NNMT: variants seen among roughly 807,000 people sequenced by gnomAD.
NNMT encodes the protein nicotinamide N-methyltransferase.
In NNMT, 10 loss-of-function variants were observed where a neutral mutation model predicts 11.7. The observed-to-expected ratio is 0.85, with a 90% CI of 0.53 to 1.45. The LOEUF (loss-of-function observed/expected upper bound fraction) is 1.45, where lower values mean the gene tolerates loss of function less well. Among genes scored for constraint, NNMT ranks in the 40% most tolerant of loss-of-function variants. The pLI is 0.00. For synonymous variants in NNMT, 143 were observed against 133.8 expected, an observed-to-expected ratio of 1.07 and a Z score of -0.48; for missense variants, 381 against 319.4, an observed-to-expected ratio of 1.19 and a Z score of -1.47.
At chr11:114,275,378 CAG>C (rs1291358700) in intron 2 of NNMT, among the ~76,000 whole-genome samples, 1 of 152,206 alleles carries the variant, frequency 6.6e-6, no homozygotes, top group Non-Finnish European at 1.5e-5. Context: ...TGGTTCCAGG[CAG>C]ACTTTCCATT....
chr11:114,285,692 C>T (rs527590390), intron 2 of NNMT, among the ~76,000 whole-genome samples: 1 of 152,278 alleles, frequency 6.6e-6, no homozygotes, highest in South Asian at 2.1e-4. Context: ...TCTTTCCTGG[C>T]GACTCACGCC....
rs11569688 is a variant in NNMT at position 114,312,721 on chromosome 11, G to A, written c.*244G>A. On this transcript the variant is annotated 3_prime_UTR_variant, in exon 3 of 3. Transcript: ENST00000299964. ...TAGTATTCCAGTCTTCATTGCCTGT[G>A]CTTACAAAAGAAGACCTCACTTCCC... 0.14 allele frequency: 66,349 copies of A among 484,684 alleles called. 5,233 individuals carry two copies. Among genetic ancestry groups the A allele is most frequent in the Non-Finnish European group, 0.17 (45,671 of 273,496 alleles). The allele number at this position is 484,684 out of a possible 1,614,324, so 30.0% of individuals were successfully genotyped here. A position where few individuals can be genotyped will look rare whatever the true frequency, so the allele number is the denominator to read the frequency against.
At chr11:114,282,690 G>A (rs1945270742) in intron 2 of NNMT, among the ~76,000 whole-genome samples, 1 of 152,090 alleles carries the variant, frequency 6.6e-6, no homozygotes, top group Non-Finnish European at 1.5e-5. Flanking sequence ...TCTCCTCCGA[G>A]AGCTCTCTCC....
At chr11:114,297,839 G>A (rs1314246418) in intron 1 of NNMT, 112 bp from the exon 2 acceptor site, 1 of 878,360 alleles carries the variant, frequency 1.1e-6, no homozygotes, top group Non-Finnish European at 1.9e-6. Flanking sequence ...GAACAGTAGT[G>A]GTCTGTCTTT....
At chr11:114,273,894 T>G (rs1003108959) in intron 2 of NNMT, among the ~76,000 whole-genome samples, 3 of 152,134 alleles carry the variant, frequency 2.0e-5, no homozygotes, top group African/African-American at 7.2e-5. Context: ...CATACAGCAC[T>G]TCAGTGAAGA....
upstream of NNMT, among the ~76,000 whole-genome samples, chr11:114,293,627 G>A (rs1257316690): frequency 1.3e-4 from 20 of 150,832 alleles, no homozygotes; most frequent in Admixed American, 1.3e-3. Context: ...TTATCCAAAA[G>A]GCAGACAATA....
chr11:114,289,488 T>G (rs780774163), intron 2 of NNMT, among the ~76,000 whole-genome samples: 10 of 152,176 alleles, frequency 6.6e-5, no homozygotes, highest in Non-Finnish European at 1.3e-4. Flanking sequence ...TATGCATATT[T>G]GAGGACTAGA....
intron 2 of NNMT, among the ~76,000 whole-genome samples, chr11:114,279,622 C>T (rs1403828947): frequency 1.3e-5 from 2 of 152,306 alleles, no homozygotes; most frequent in Non-Finnish European, 2.9e-5. Flanking sequence ...TCATTTGGCT[C>T]ATTTGGCTCA....
chr11:114,301,077 G>T (rs568083880), intron 2 of NNMT, among the ~76,000 whole-genome samples: 262 of 152,322 alleles, frequency 1.7e-3, no homozygotes, highest in African/African-American at 6.1e-3. Flanking sequence ...ATCTAGGCCA[G>T]AATCTGGAAG....
At chr11:114,291,427 C>T (rs1173974730), upstream of NNMT, among the ~76,000 whole-genome samples, 1 of 152,168 alleles carries the variant, frequency 6.6e-6, no homozygotes, top group African/African-American at 2.4e-5. Flanking sequence ...TATGTTGGTT[C>T]CACCAGTGAG....
At chr11:114,297,217 G>C (rs2256292) in intron 1 of NNMT, 78,124 of 153,510 alleles carry the variant, frequency 0.51, 21,028 homozygotes, top group Non-Finnish European at 0.61. Context: ...TGGATCTGGT[G>C]TTCAGTCTGT....
chr11:114,260,896 G>A (rs974881543), intron 1 of NNMT, among the ~76,000 whole-genome samples: 7 of 152,182 alleles, frequency 4.6e-5, no homozygotes, highest in South Asian at 2.1e-4. Flanking sequence ...TGTGCACCGC[G>A]TGACCTTCAC....
At chr11:114,285,781 C>T (rs1216374903) in intron 2 of NNMT, among the ~76,000 whole-genome samples, 1 of 152,146 alleles carries the variant, frequency 6.6e-6, no homozygotes, top group Non-Finnish European at 1.5e-5. Context: ...GAATACCCCA[C>T]CCACAATTGC....
At position 114,296,456 on chromosome 11, in the gene NNMT, T is replaced by C. The variant is rs1233949586; in HGVS notation, c.-101T>C. The C allele has an allele frequency of 4.0e-6, 5 of 1,263,048 alleles. No homozygotes were observed. The Admixed American group carries it at 1.1e-4, about 27-fold the overall frequency. The allele number at this position is 1,263,048 out of a possible 1,614,324, so 78.2% of individuals were successfully genotyped here. On this transcript the variant is annotated 5_prime_UTR_variant, in exon 1 of 3. Transcript: ENST00000299964. The stretch of plus-strand genomic sequence containing the variant: ...GGCTGAACTGATGGAAGGAATGCTG[T>C]TAGCCTGAGACTCAGGAAGACAACT...
At chr11:114,285,987 C>T (rs1182594747) in intron 2 of NNMT, among the ~76,000 whole-genome samples, 1 of 152,210 alleles carries the variant, frequency 6.6e-6, no homozygotes, top group Non-Finnish European at 1.5e-5. Context: ...CACAGAAGGA[C>T]TTCTTCCAGC....
intron 2 of NNMT, among the ~76,000 whole-genome samples, chr11:114,289,565 CAGTT>C (rs1258667415): frequency 6.6e-6 from 1 of 152,120 alleles, no homozygotes; most frequent in African/African-American, 2.4e-5. Flanking sequence ...TATTACTACT[CAGTT>C]AGAAATATTT....
chr11:114,281,210 T>C (rs1945260655), intron 2 of NNMT, among the ~76,000 whole-genome samples: 1 of 152,126 alleles, frequency 6.6e-6, no homozygotes, highest in Non-Finnish European at 1.5e-5. Context: ...GTAGGACCAA[T>C]TGCAGCAGAT....
At chr11:114,266,878 C>A (rs1159299395) in intron 2 of NNMT, among the ~76,000 whole-genome samples, 1 of 152,226 alleles carries the variant, frequency 6.6e-6, no homozygotes, top group Non-Finnish European at 1.5e-5. Flanking sequence ...GACTTCCTAG[C>A]CTCCAAAACC....
Position 114,282,138 on chromosome 11 carries a change from C to T in NNMT, c.-129-14290C>T, listed in dbSNP as rs145943620. ...ACTCAGGAGCCTGAGATGGGAGGATCGCTTGAGCCCAGGAGGTCAAGGCTG... is the reference window on the plus strand; with the variant it reads ...ACTCAGGAGCCTGAGATGGGAGGATTGCTTGAGCCCAGGAGGTCAAGGCTG... On this transcript the variant is annotated intron_variant, in intron 2 of 4. Coordinates refer to the NNMT transcript ENST00000535401. 4.0e-3 allele frequency among the ~76,000 whole-genome samples: 603 copies of T among 152,214 alleles called. 8 individuals carry two copies. Among genetic ancestry groups the T allele is most frequent in the East Asian group, 0.014 (75 of 5,178 alleles).
Sources: allele counts gnomAD v4.1 joint callset (sites outside exome capture counted in the v4.1 genomes callset), GRCh38; gene constraint gnomAD v4.1.1; transcripts MANE v1.5; gene names NCBI Gene and HGNC (gene_info 2026-07-23, HGNC 2026-07-21).